The following SCARB1 variants were observed in gnomAD, a reference collection of about 807,000 sequenced individuals.
The protein encoded by SCARB1 is scavenger receptor class B member 1.
SCARB1 carries 30 observed loss-of-function variants against 57.2 expected under a neutral mutation model. The observed-to-expected ratio is 0.52, with a 90% CI of 0.39 to 0.71. SCARB1 has a LOEUF of 0.71. SCARB1 is among the 30% of genes least tolerant of loss of function. SCARB1 has a pLI of 0.00. For missense variants in SCARB1, 543 were observed against 671.2 expected (o/e 0.81, Z 2.11); for synonymous variants, 249 against 268.3 (o/e 0.93, Z 0.70).
At chr12:124,801,566 T>A (rs1048350697) in intron 7 of SCARB1, among the ~76,000 whole-genome samples, 1 of 152,034 alleles carries the variant, frequency 6.6e-6, no homozygotes, top group African/African-American at 2.4e-5. Flanking sequence ...GTGGATCACT[T>A]GAGGTCAGAA....
intron 12 of SCARB1, among the ~76,000 whole-genome samples, chr12:124,780,877 C>A (rs539403740): frequency 1.3e-3 from 192 of 152,282 alleles, no homozygotes; most frequent in African/African-American, 4.5e-3. Context: ...CCAGCCCCCA[C>A]CCCTGCACCC....
At chr12:124,854,610 C>T (rs1002105258) in intron 1 of SCARB1, among the ~76,000 whole-genome samples, 7 of 152,000 alleles carry the variant, frequency 4.6e-5, no homozygotes, top group Non-Finnish European at 2.9e-5. Flanking sequence ...GCGCCTCGGG[C>T]GTGGTGAGAA....
chr12:124,851,665 T>A (rs1227218022), intron 1 of SCARB1, among the ~76,000 whole-genome samples: 1 of 148,432 alleles, frequency 6.7e-6, no homozygotes, highest in Non-Finnish European at 1.5e-5. Flanking sequence ...TGAAGTGCAG[T>A]GGCGCGATCT....
In SCARB1 at chr12:124,814,312, G is replaced by A. The variant is rs367669186; in HGVS notation, c.520C>T (p.Arg174Cys). ...CCCCACATGATCTCACCCACAGTGC[G>A]GTTCATGAAGGCACGTTCGCCGAGG... is the stretch of plus-strand genomic sequence containing the variant. ...TTLGERAFMN[R>C]TVGEIMWGYK... Residue 174 changes from arginine to cysteine, a missense_variant, in exon 4 of 13, where the codon CGC becomes TGC. Arg to Cys is a radical substitution (Grantham distance 180). Transcript: ENST00000261693. This position sits in a 1 kb window ranked among gnomAD's most constrained non-coding sequence, Gnocchi z 4.7. 190 of 1,614,026 alleles carry A rather than the reference G, an allele frequency of 1.2e-4. No individual in the cohort carries two copies. The highest frequency in any genetic ancestry group is 1.6e-4 in the Middle Eastern group (1 of 6,080).
intron 8 of SCARB1, 112 bp from the exon 9 acceptor site, chr12:124,795,380 AG>A: frequency 1.2e-6 from 1 of 817,756 alleles, no homozygotes; most frequent in East Asian, 2.6e-5. Flanking sequence ...CTAACTGCCC[AG>A]TGGAGCTTGC....
chr12:124,815,068 C>T lies in SCARB1; in HGVS notation c.331G>A (p.Val111Met), dbSNP rs5890. ...SNITFNNNDT[V>M]SFLEYRTFQF... ...AAGGTGCGGTACTCGAGGAAGGACA[C>T]GGTGTCGTTGTTGTTGAAGGTGATG... is the stretch of plus-strand genomic sequence containing the variant. The change falls in exon 3 of 13, where the codon GTG becomes ATG. Residue 111 changes from valine to methionine, a missense_variant. Coordinates refer to ENST00000261693, the MANE Select transcript of SCARB1 (RefSeq NM_005505.5). 653 of 1,613,996 alleles carry T rather than the reference C, an allele frequency of 4.0e-4. 1 individual carries two copies. Among genetic ancestry groups the T allele is most frequent in the Non-Finnish European group, 5.2e-4 (609 of 1,180,022 alleles).
intron 1 of SCARB1, among the ~76,000 whole-genome samples, chr12:124,855,269 G>A (rs111932962): frequency 6.6e-6 from 1 of 152,180 alleles, no homozygotes; most frequent in Admixed American, 6.5e-5. Context: ...ACAGTGGAGT[G>A]GAGGGAAAGA....
Position 124,800,172 on chromosome 12 carries a change from G to T in SCARB1, c.1080C>A (p.Gly360=), listed in dbSNP as rs770104612. ...AGTGTGCCTCCTGGTTAGGGTGCAG[G>T]CCAGTCACCGCTTCTGCCAGAACCG... is the stretch of plus-strand genomic sequence containing the variant. ...ADPVLAEAVT[G]LHPNQEAHSL... Residue 360 remains glycine, a synonymous_variant, in exon 8 of 13, where the codon GGC becomes GGA. Transcript: ENST00000261693. The surrounding 1 kb of genome is among the most constrained non-coding windows in gnomAD (Gnocchi z 4.8). 2 of 1,613,960 alleles carry T rather than the reference G, an allele frequency of 1.2e-6. No individual in the cohort carries two copies. Among genetic ancestry groups the T allele is most frequent in the African/African-American group, 1.3e-5 (1 of 74,934 alleles).
chr12:124,786,205 C>T (rs1174381198), intron 11 of SCARB1, 152 bp downstream of exon 11: 2 of 1,596,598 alleles, frequency 1.3e-6, no homozygotes, highest in East Asian at 2.2e-5. Flanking sequence ...CAGCCCCCAG[C>T]AGTGACCGCT....
chr12:124,793,240 G>T (rs1269265386), intron 9 of SCARB1, among the ~76,000 whole-genome samples: 2 of 152,170 alleles, frequency 1.3e-5, no homozygotes, highest in Admixed American at 6.5e-5. Context: ...TTTTCTAAGA[G>T]AATTTTTTTT....
chr12:124,852,669 T>C (rs1335398152), intron 1 of SCARB1, among the ~76,000 whole-genome samples: 1 of 152,244 alleles, frequency 6.6e-6, no homozygotes, highest in African/African-American at 2.4e-5. Context: ...TCTGTCCTCA[T>C]GGAACTCACA....
intron 1 of SCARB1, chr12:124,839,200 A>T (rs1951811420): frequency 2.2e-6 from 1 of 455,628 alleles, no homozygotes; most frequent in Non-Finnish European, 4.4e-6. Flanking sequence ...GTACCCACTG[A>T]AAAAGAGCTC....
At chr12:124,818,064 T>C (rs2135696244) in intron 1 of SCARB1, among the ~76,000 whole-genome samples, 1 of 152,286 alleles carries the variant, frequency 6.6e-6, no homozygotes. Flanking sequence ...TGCAGGAACA[T>C]GGGCTCCGTG....
rs577318451 is a variant in SCARB1 at position 124,778,667 on chromosome 12, T to C, written c.*1-81A>G. 2.0e-5 allele frequency: 25 copies of C among 1,248,018 alleles called. No homozygotes were observed. The South Asian group carries it at 5.9e-4, about 30-fold the overall frequency. The allele number at this position is 1,248,018 out of a possible 1,614,324, so 77.3% of individuals were successfully genotyped here. Reference sequence around the variant, plus strand: ...CTCATCCCCGCCCACCACAGCCCTGTACCCACATCCCCAGCAGAGACTCCA... The same window carrying C: ...CTCATCCCCGCCCACCACAGCCCTGCACCCACATCCCCAGCAGAGACTCCA... On this transcript the variant is annotated intron_variant, in intron 12 of 12. Coordinates refer to ENST00000261693, the MANE Select transcript of SCARB1 (RefSeq NM_005505.5).
At chr12:124,856,050 C>T (rs560653877) in intron 1 of SCARB1, among the ~76,000 whole-genome samples, 31 of 152,332 alleles carry the variant, frequency 2.0e-4, no homozygotes, top group East Asian at 1.2e-3. Context: ...GTGCATCTCC[C>T]GGCGGAGGCA....
At chr12:124,848,765 G>A (rs1952266074) in intron 1 of SCARB1, among the ~76,000 whole-genome samples, 1 of 152,234 alleles carries the variant, frequency 6.6e-6, no homozygotes, top group African/African-American at 2.4e-5. Flanking sequence ...CAGGCATCTA[G>A]AGAATCAGAG....
At position 124,810,383 on chromosome 12, in the gene SCARB1, C is replaced by T. The variant is rs889695567; in HGVS notation, c.727-94G>A. ...TGCACACCTAACTCACCCTGGTGCA[C>T]GCACGGCCACTCAATTCCCAATACT... is the stretch of plus-strand genomic sequence containing the variant. On this transcript the variant is annotated intron_variant, in intron 5 of 12. Transcript: ENST00000261693. The surrounding 1 kb of genome is among the most constrained non-coding windows in gnomAD (Gnocchi z 4.0). 4.5e-5 allele frequency: 38 copies of T among 835,754 alleles called. No homozygotes were observed. The highest frequency in any genetic ancestry group is 1.7e-4 in the African/African-American group (10 of 60,088). 51.8% of individuals were successfully genotyped at this position (835,754 alleles called of 1,614,324 possible). A position where few individuals can be genotyped will look rare whatever the true frequency, so the allele number is the denominator to read the frequency against.
chr12:124,786,185 G>A (rs761984282), intron 11 of SCARB1, 172 bp downstream of exon 11: 2 of 1,586,548 alleles, frequency 1.3e-6, no homozygotes, highest in Non-Finnish European at 1.7e-6. Context: ...AAAGACGCAA[G>A]CGTGCTGCGC....
At chr12:124,819,146 A>G (rs1239614911) in intron 1 of SCARB1, among the ~76,000 whole-genome samples, 8 of 151,906 alleles carry the variant, frequency 5.3e-5, no homozygotes, top group Non-Finnish European at 1.2e-4. Context: ...AAAAAAAAGA[A>G]AAGAAAGAAA....
Sources: allele counts gnomAD v4.1 joint callset (sites outside exome capture counted in the v4.1 genomes callset), GRCh38; gene constraint gnomAD v4.1.1; non-coding constraint Gnocchi (gnomAD v3.1); transcripts MANE v1.5; gene names NCBI Gene and HGNC (gene_info 2026-07-23, HGNC 2026-07-21).